Variants in CSMD1 observed in about 807,000 individuals in gnomAD.
CSMD1 encodes the protein CUB and sushi domain-containing protein 1.
CSMD1 carries 213 observed loss-of-function variants against 417.5 expected under a neutral mutation model. The ratio of observed to expected loss-of-function variants is 0.51; its 90% CI spans 0.46 to 0.57. The LOEUF is 0.57. CSMD1 is among the 20% of genes least tolerant of loss of function. The probability of loss-of-function intolerance (pLI) is 0.00; values close to 1 mark genes in which losing one functional copy is unlikely to be tolerated. For missense variants in CSMD1, 6,923 were observed against 4,529.7 expected (o/e 1.53, Z -15.17); for synonymous variants, 2,862 against 1,736.8 (o/e 1.65, Z -16.11).
Position 3,315,976 on chromosome 8 carries a change from C to G in CSMD1, c.3632-7473G>C, listed in dbSNP as rs559463143. ...GCAGGTCAAATAGTTAATATCAATT[C>G]TGAGACGTCTCAGTGAAATAATTCA... On this transcript the variant is annotated intron_variant, in intron 23 of 69. Coordinates refer to ENST00000635120, the MANE Select transcript of CSMD1 (RefSeq NM_033225.6). Among the ~76,000 whole-genome samples the G allele has an allele frequency of 1.3e-3, 192 of 152,290 alleles. 1 individual carries two copies. Among genetic ancestry groups the G allele is most frequent in the Non-Finnish European group, 2.1e-3 (142 of 68,034 alleles).
intron 3 of CSMD1, among the ~76,000 whole-genome samples, chr8:4,207,633 A>G (rs919739790): frequency 6.6e-6 from 1 of 152,128 alleles, no homozygotes; most frequent in Non-Finnish European, 1.5e-5. Context: ...TTCATTATGA[A>G]GAGGGGGTTG....
intron 7 of CSMD1, among the ~76,000 whole-genome samples, chr8:3,676,328 G>C (rs899651010): frequency 1.3e-5 from 2 of 152,158 alleles, no homozygotes; most frequent in African/African-American, 4.8e-5. Flanking sequence ...TTTCTGAAGA[G>C]CAGGTGGAGG....
At chr8:4,950,213 T>G (rs907845913) in intron 1 of CSMD1, among the ~76,000 whole-genome samples, 1 of 152,188 alleles carries the variant, frequency 6.6e-6, no homozygotes, top group African/African-American at 2.4e-5. Context: ...TGAAAAGTAT[T>G]TGATGCTTAT....
At chr8:4,548,127 T>C (rs1383943184) in intron 2 of CSMD1, among the ~76,000 whole-genome samples, 1 of 151,998 alleles carries the variant, frequency 6.6e-6, no homozygotes, top group Non-Finnish European at 1.5e-5. Flanking sequence ...TTGATGATGA[T>C]ACTGTTTTGG....
intron 4 of CSMD1, among the ~76,000 whole-genome samples, chr8:4,025,405 C>A (rs970125341): frequency 1.3e-5 from 2 of 152,240 alleles, no homozygotes; most frequent in South Asian, 4.1e-4. Flanking sequence ...ATAATCTATC[C>A]TAGGCTGTAC....
At chr8:4,331,451 C>T (rs1034802519) in intron 3 of CSMD1, among the ~76,000 whole-genome samples, 4 of 152,098 alleles carry the variant, frequency 2.6e-5, no homozygotes, top group African/African-American at 7.2e-5. Flanking sequence ...TTTCTGGTAA[C>T]GAGAGCCTTG....
chr8:4,168,931 C>T (rs1242186029), intron 3 of CSMD1, among the ~76,000 whole-genome samples: 1 of 152,278 alleles, frequency 6.6e-6, no homozygotes, highest in East Asian at 1.9e-4. Context: ...TCTGTTTAAC[C>T]TTGGCCTTTG....
intron 3 of CSMD1, among the ~76,000 whole-genome samples, chr8:4,102,226 T>A (rs1801341827): frequency 6.6e-6 from 1 of 152,236 alleles, no homozygotes; most frequent in Non-Finnish European, 1.5e-5. Flanking sequence ...CTCATGCCCC[T>A]TGCCCTTCTG....
chr8:4,182,352 C>G (rs1798427082), intron 3 of CSMD1, among the ~76,000 whole-genome samples: 1 of 152,088 alleles, frequency 6.6e-6, no homozygotes, highest in African/African-American at 2.4e-5. Context: ...ATACACCTTC[C>G]ACATGCCTTA....
chr8:4,167,904 G>C (rs553880000), intron 3 of CSMD1, among the ~76,000 whole-genome samples: 1 of 152,042 alleles, frequency 6.6e-6, no homozygotes, highest in Admixed American at 6.6e-5. Flanking sequence ...GAGGCAGGCG[G>C]ACTGCCTGAG....
intron 3 of CSMD1, among the ~76,000 whole-genome samples, chr8:4,144,821 T>A (rs547019216): frequency 1.3e-5 from 2 of 150,980 alleles, no homozygotes; most frequent in Non-Finnish European, 2.9e-5. Context: ...AAAAGCAACA[T>A]TCGCAATCAT....
In CSMD1 at chr8:2,974,586, C is replaced by A; in HGVS notation, c.8605G>T (p.Val2869Phe). Residue 2869 changes from valine to phenylalanine, a missense_variant, in exon 56 of 70, where the codon GTC becomes TTC. Transcript: ENST00000635120. ...CGHPGVPANA[V>F]LTGELFTYGA... Reference sequence around the variant, plus strand: ...TAGGTAAACAGCTCTCCAGTGAGGACGGCGTTGGCAGGGACCCCTGGGTGT... The same window carrying A: ...TAGGTAAACAGCTCTCCAGTGAGGAAGGCGTTGGCAGGGACCCCTGGGTGT... 6.2e-7 allele frequency: 1 copy of A among 1,611,426 alleles called. No homozygotes were observed. Among genetic ancestry groups the A allele is most frequent in the African/African-American group, 1.3e-5 (1 of 74,990 alleles).
rs112024782 is a variant in CSMD1, at chr8:4,194,752, A to AT, written c.416-162654dup. On this transcript the variant is annotated intron_variant, in intron 3 of 69. Transcript: ENST00000635120. Reference sequence around the variant, plus strand: ...AACAGATTTCATTATTTAAATAAACATTTTTTTTAACACATATAAAACATT... The same window carrying AT: ...AACAGATTTCATTATTTAAATAAACATTTTTTTTTAACACATATAAAACATT... 1.2e-3 allele frequency among the ~76,000 whole-genome samples: 187 copies of AT among 151,930 alleles called. 1 individual carries two copies. Among genetic ancestry groups the AT allele is most frequent in the East Asian group, 1.9e-3 (10 of 5,168 alleles).
At chr8:3,468,674 G>A in intron 12 of CSMD1, 38 bp downstream of exon 12, 1 of 1,336,596 alleles carries the variant, frequency 7.5e-7, no homozygotes. Flanking sequence ...CTCTTGGAAT[G>A]CTAACTTCCA....
intron 11 of CSMD1, among the ~76,000 whole-genome samples, chr8:3,471,872 C>A (rs1005926457): frequency 1.1e-4 from 16 of 152,064 alleles, no homozygotes; most frequent in Admixed American, 3.9e-4. Flanking sequence ...GTGGGCATAG[C>A]CGTTAGTTTT....
chr8:4,057,668 T>A (rs1200256211), intron 3 of CSMD1, among the ~76,000 whole-genome samples: 1 of 151,168 alleles, frequency 6.6e-6, no homozygotes, highest in African/African-American at 2.4e-5. Context: ...TAGTTTTAGG[T>A]GTAACGTTTA....
chr8:4,742,510 A>T (rs1042171492), intron 1 of CSMD1, among the ~76,000 whole-genome samples: 3 of 152,106 alleles, frequency 2.0e-5, no homozygotes, highest in Non-Finnish European at 4.4e-5. Context: ...ACACATGTAC[A>T]TAGAAAATAT....
intron 42 of CSMD1, among the ~76,000 whole-genome samples, chr8:3,116,356 G>A (rs1231488774): frequency 7.1e-6 from 1 of 139,904 alleles, no homozygotes; most frequent in Non-Finnish European, 1.5e-5. Flanking sequence ...ACTTGGCATG[G>A]ATCAGAGAGA....
intron 5 of CSMD1, among the ~76,000 whole-genome samples, chr8:3,946,719 T>A (rs1811253090): frequency 6.6e-6 from 1 of 152,186 alleles, no homozygotes; most frequent in African/African-American, 2.4e-5. Flanking sequence ...TTTTCATATT[T>A]TGTTAGGTCT....
Sources: allele counts gnomAD v4.1 joint callset (sites outside exome capture counted in the v4.1 genomes callset), GRCh38; gene constraint gnomAD v4.1.1; transcripts MANE v1.5; gene names NCBI Gene and HGNC (gene_info 2026-07-23, HGNC 2026-07-21).